The following TLK2 variants were observed in gnomAD, a reference collection of about 807,000 sequenced individuals.
The protein encoded by TLK2 is tousled like kinase 2.
TLK2 carries 6 observed loss-of-function variants against 117.3 expected under a neutral mutation model. That is an observed-to-expected ratio of 0.05 (90% confidence interval 0.03 to 0.10). The LOEUF is 0.10. TLK2 is among the 10% of genes least tolerant of loss of function. The probability of loss-of-function intolerance (pLI) is 1.00; values close to 1 mark genes in which losing one functional copy is unlikely to be tolerated. For missense variants in TLK2, 299 were observed against 901.2 expected (o/e 0.33, Z 8.56); for synonymous variants, 257 against 316.7 (o/e 0.81, Z 2.00).
chr17:62,522,581 G>A (rs1333280007), intron 4 of TLK2, among the ~76,000 whole-genome samples: 1 of 152,118 alleles, frequency 6.6e-6, no homozygotes, highest in Non-Finnish European at 1.5e-5. Flanking sequence ...TTTAACTCTT[G>A]TCTTTTGTTA....
upstream of TLK2, among the ~76,000 whole-genome samples, chr17:62,475,907 G>T (rs527533077): frequency 6.6e-6 from 1 of 151,832 alleles, no homozygotes; most frequent in Non-Finnish European, 1.5e-5. Flanking sequence ...ATGATCCACC[G>T]CCTCGGCCTC....
At chr17:62,483,886 C>T (rs2072003071) in intron 2 of TLK2, among the ~76,000 whole-genome samples, 1 of 151,992 alleles carries the variant, frequency 6.6e-6, no homozygotes, top group East Asian at 1.9e-4. Context: ...AGTGCAGTAG[C>T]ACAATCTCGG....
rs1276201459 is a variant in TLK2, at chr17:62,614,972, A to G, written c.*2407A>G. On this transcript the variant is annotated 3_prime_UTR_variant, in exon 22 of 22. Coordinates refer to ENST00000346027, the MANE Select transcript of TLK2 (RefSeq NM_006852.6). ...GATTTGTTTGTTTTTTAATTTTTTAACATTTTTTTAACGTTGAAAAAATGC... is the reference window on the plus strand; with the variant it reads ...GATTTGTTTGTTTTTTAATTTTTTAGCATTTTTTTAACGTTGAAAAAATGC... 5 of 151,970 alleles carry G rather than the reference A, an allele frequency of 3.3e-5. No homozygotes were observed. The highest frequency in any genetic ancestry group is 6.6e-5 in the Admixed American group (1 of 15,250). The allele number at this position is 151,970 out of a possible 1,614,324, so 9.4% of individuals were successfully genotyped here.
intron 16 of TLK2, among the ~76,000 whole-genome samples, chr17:62,590,620 GC>G (rs1318568140): frequency 2.0e-5 from 3 of 152,112 alleles, no homozygotes; most frequent in African/African-American, 7.2e-5. Flanking sequence ...TTAATCAGGT[GC>G]CACCTCCTTC....
chr17:62,476,763 GATTTAAGACATTAAATC>G (rs975139169), upstream of TLK2, among the ~76,000 whole-genome samples: 2 of 151,824 alleles, frequency 1.3e-5, no homozygotes, highest in African/African-American at 2.4e-5. Context: ...CTCCTTTCCC[GATTTAAGACATTAAATC>G]ATTTAAGACA....
chr17:62,608,288 C>A, intron 21 of TLK2, 140 bp downstream of exon 21: 2 of 673,044 alleles, frequency 3.0e-6, no homozygotes, highest in Admixed American at 3.1e-5. Flanking sequence ...AATTAATGTT[C>A]CTAAGAACAC....
At chr17:62,601,963 CT>C (rs1389309818) in intron 18 of TLK2, 78 bp from the exon 19 acceptor site, 2 of 1,333,506 alleles carry the variant, frequency 1.5e-6, no homozygotes, top group Non-Finnish European at 2.1e-6. Flanking sequence ...CAGTTGTCCC[CT>C]TCTTATCTGC....
intron 7 of TLK2, among the ~76,000 whole-genome samples, chr17:62,538,712 A>C (rs1365551831): frequency 6.6e-6 from 1 of 152,248 alleles, no homozygotes; most frequent in Non-Finnish European, 1.5e-5. Context: ...ACTAGTAACA[A>C]AATGATCATG....
intron 7 of TLK2, among the ~76,000 whole-genome samples, chr17:62,540,642 A>AC (rs1314855994): frequency 3.4e-5 from 5 of 145,488 alleles, no homozygotes; most frequent in Admixed American, 3.4e-4. Flanking sequence ...CAGGTGATCC[A>AC]CCCGCCTTGG....
Position 62,519,678 on chromosome 17 carries a change from C to T in TLK2, c.82-1095C>T, listed in dbSNP as rs191808864. Among the ~76,000 whole-genome samples, 167 of 152,210 alleles carry T rather than the reference C, an allele frequency of 1.1e-3. 1 individual carries two copies. The highest frequency in any genetic ancestry group is 3.8e-3 in the African/African-American group (157 of 41,526). ...TATTGTTTATAATATAAAATTATTT[C>T]TTCCTCTTGATGCTACTGTGTATGG... On this transcript the variant is annotated intron_variant, in intron 2 of 21. Transcript: ENST00000346027.
At chr17:62,583,909 C>G (rs2081398643) in intron 15 of TLK2, among the ~76,000 whole-genome samples, 1 of 151,780 alleles carries the variant, frequency 6.6e-6, no homozygotes, top group Non-Finnish European at 1.5e-5. Context: ...CTAAATACTT[C>G]TTACAGTGAT....
chr17:62,513,751 C>T (rs536635541), intron 2 of TLK2, among the ~76,000 whole-genome samples: 7 of 152,120 alleles, frequency 4.6e-5, no homozygotes, highest in African/African-American at 9.6e-5. Flanking sequence ...TACAGTGGTG[C>T]GATCTTGGCT....
At chr17:62,516,918 A>G (rs527797559) in intron 2 of TLK2, among the ~76,000 whole-genome samples, 9 of 152,214 alleles carry the variant, frequency 5.9e-5, no homozygotes, top group African/African-American at 2.2e-4. Context: ...CTCCAGCACC[A>G]TTTTTTGAGA....
intron 19 of TLK2, 125 bp downstream of exon 19, chr17:62,602,305 T>G (rs2082928611): frequency 1.0e-5 from 9 of 894,592 alleles, no homozygotes; most frequent in Non-Finnish European, 1.5e-5. Context: ...CAAAGCAGAC[T>G]TTCTCCCCAA....
At chr17:62,474,685 G>A (rs2071004305), upstream of TLK2, among the ~76,000 whole-genome samples, 1 of 148,826 alleles carries the variant, frequency 6.7e-6, no homozygotes, top group Non-Finnish European at 1.5e-5. Flanking sequence ...TGGTATTACA[G>A]GTGTTGAGCC....
intron 6 of TLK2, among the ~76,000 whole-genome samples, chr17:62,531,298 A>T (rs2076724763): frequency 6.6e-6 from 1 of 151,936 alleles, no homozygotes; most frequent in Non-Finnish European, 1.5e-5. Flanking sequence ...TATATACTCC[A>T]TCATGGATAA....
At chr17:62,508,614 T>A (rs2074904775) in intron 2 of TLK2, 1 of 925,980 alleles carries the variant, frequency 1.1e-6, no homozygotes, top group Non-Finnish European at 1.3e-6. Context: ...TATGAAAGTC[T>A]CAATGAATAA....
At chr17:62,492,068 A>G (rs982793318) in intron 2 of TLK2, among the ~76,000 whole-genome samples, 23 of 152,346 alleles carry the variant, frequency 1.5e-4, no homozygotes, top group African/African-American at 5.3e-4. Flanking sequence ...GATGAACTAC[A>G]CAAAAAGAGG....
At position 62,603,136 on chromosome 17, in the gene TLK2, C is replaced by G. The variant is rs181227566; in HGVS notation, c.1859+956C>G. ...ACTTTATCTTTGGAACTGAAAGGTC[C>G]TAGGCCTTAGCAGAGAGTACTGACT... is the stretch of plus-strand genomic sequence containing the variant. On this transcript the variant is annotated intron_variant, in intron 19 of 21. Transcript: ENST00000346027. Among the ~76,000 whole-genome samples the G allele has an allele frequency of 2.5e-3, 378 of 152,252 alleles. 2 individuals carry two copies. Among genetic ancestry groups the G allele is most frequent in the African/African-American group, 7.8e-3 (323 of 41,532 alleles).
Sources: gnomAD v4.1 joint callset for allele counts (sites outside exome capture counted in the v4.1 genomes callset) on GRCh38, gnomAD v4.1.1 for gene constraint, MANE v1.5 for transcripts, NCBI Gene and HGNC (gene_info 2026-07-23, HGNC 2026-07-21) for gene names.